The following BANP variants were observed in gnomAD, a reference collection of about 807,000 sequenced individuals.
BANP encodes protein BANP.
BANP carries 11 observed loss-of-function variants against 68.1 expected under a neutral mutation model. That is an observed-to-expected ratio of 0.16 (90% CI 0.10 to 0.27). The LOEUF is 0.27. Ranked by LOEUF, BANP falls within the 10% of genes least tolerant of loss-of-function variation. BANP has a pLI of 1.00. For missense variants in BANP, 504 were observed against 722.7 expected, an observed-to-expected ratio of 0.70 and a Z score of 3.47; for synonymous variants, 329 against 303.2, an observed-to-expected ratio of 1.09 and a Z score of -0.88.
intron 1 of BANP, among the ~76,000 whole-genome samples, chr16:87,955,516 C>T (rs1045561417): frequency 1.3e-5 from 2 of 152,192 alleles, no homozygotes; most frequent in African/African-American, 4.8e-5. Flanking sequence ...AGCATTATTG[C>T]GTAAATGACA....
At chr16:88,031,075 A>G (rs1249936422) in intron 8 of BANP, among the ~76,000 whole-genome samples, 2 of 152,226 alleles carry the variant, frequency 1.3e-5, no homozygotes, top group East Asian at 3.9e-4. Context: ...CCTGGGGTGC[A>G]CAAGGCTTGC....
intron 12 of BANP, 39 bp from the exon 13 acceptor site, chr16:88,072,030 G>A (rs1465496694): frequency 6.5e-7 from 1 of 1,543,632 alleles, no homozygotes; most frequent in Admixed American, 2.0e-5. Flanking sequence ...GTGGGTTGTG[G>A]GCCACGCCGC....
Position 88,004,178 on chromosome 16 carries a change from C to T in BANP, c.363-117C>T, listed in dbSNP as rs2070275197. ...GGACTATGTTGAATGACTCTTAGGC[C>T]TCCCCCTCAGTGCGGGTCCCTGGGA... On this transcript the variant is annotated intron_variant, in intron 4 of 13. Coordinates refer to ENST00000682872, the MANE Select transcript of BANP (RefSeq NM_001386991.1). This position sits in a 1 kb window ranked among gnomAD's most constrained non-coding sequence, Gnocchi z 7.0. 1.4e-6 allele frequency: 1 copy of T among 713,002 alleles called. No homozygotes were observed. The highest frequency in any genetic ancestry group is 2.7e-5 in the East Asian group (1 of 36,734). 44.2% of individuals were successfully genotyped at this position (713,002 alleles called of 1,614,324 possible). A position where few individuals can be genotyped will look rare whatever the true frequency, so the allele number is the denominator to read the frequency against.
chr16:88,049,071 A>G (rs989361637), intron 11 of BANP, among the ~76,000 whole-genome samples: 12 of 152,080 alleles, frequency 7.9e-5, no homozygotes, highest in African/African-American at 2.7e-4. Flanking sequence ...TTCTGGACAC[A>G]GCAAGCAGTG....
At chr16:87,949,764 A>G (rs2056627822), upstream of BANP, 1 of 152,126 alleles carries the variant, frequency 6.6e-6, no homozygotes, top group Non-Finnish European at 1.5e-5. Context: ...TTAACTCGGT[A>G]AGGTTGCCCA....
At chr16:88,076,483 G>A in intron 13 of BANP, 107 bp from the exon 14 acceptor site, 1 of 951,522 alleles carries the variant, frequency 1.1e-6, no homozygotes, top group Non-Finnish European at 1.6e-6. Flanking sequence ...GCGCTCCTGT[G>A]TGCGTGTTTC....
chr16:87,959,629 G>A (rs1002194326), intron 1 of BANP, among the ~76,000 whole-genome samples: 1 of 152,248 alleles, frequency 6.6e-6, no homozygotes, highest in African/African-American at 2.4e-5. Flanking sequence ...TGCAGCCCGT[G>A]TGGTTTTGGG....
intron 1 of BANP, among the ~76,000 whole-genome samples, chr16:87,965,130 G>C (rs922556389): frequency 1.3e-5 from 2 of 152,216 alleles, no homozygotes; most frequent in Non-Finnish European, 2.9e-5. Context: ...CCTCAAGTCA[G>C]GAAGTGGATG....
Position 88,033,259 on chromosome 16 carries a change from C to G in BANP, c.1200+14C>G. Reference sequence around the variant, plus strand: ...CAGGTGCAAGTAGTACGTACCCTCTCCACCTCACACCTTGGGAAAGGGGGC... The same window carrying G: ...CAGGTGCAAGTAGTACGTACCCTCTGCACCTCACACCTTGGGAAAGGGGGC... On this transcript the variant is annotated intron_variant, in intron 9 of 13. Coordinates refer to ENST00000682872, the MANE Select transcript of BANP (RefSeq NM_001386991.1). 2 of 1,547,262 alleles carry G rather than the reference C, an allele frequency of 1.3e-6. No individual in the cohort carries two copies. The highest frequency in any genetic ancestry group is 1.8e-6 in the Non-Finnish European group (2 of 1,137,698).
At chr16:88,055,011 C>G (rs2084630697) in intron 11 of BANP, among the ~76,000 whole-genome samples, 1 of 152,122 alleles carries the variant, frequency 6.6e-6, no homozygotes, top group African/African-American at 2.4e-5. Context: ...ACATGGGAAG[C>G]TTTTCAAGGC....
intron 11 of BANP, among the ~76,000 whole-genome samples, chr16:88,050,611 C>G (rs1407249563): frequency 6.6e-6 from 1 of 152,170 alleles, no homozygotes; most frequent in Admixed American, 6.5e-5. Context: ...CACGAGTGAG[C>G]CTGATTGTGT....
At chr16:88,042,932 T>C (rs1183617910) in intron 11 of BANP, among the ~76,000 whole-genome samples, 1 of 152,218 alleles carries the variant, frequency 6.6e-6, no homozygotes, top group Non-Finnish European at 1.5e-5. Flanking sequence ...AAATGAAGTG[T>C]ACAATTCAAT....
In BANP at chr16:88,057,759, G is replaced by C. The variant is rs866646678; in HGVS notation, c.1312-7508G>C. Among the ~76,000 whole-genome samples, 11 of 147,558 alleles carry C rather than the reference G, an allele frequency of 7.5e-5. No individual in the cohort carries two copies. The highest frequency in any genetic ancestry group is 4.4e-4 in the South Asian group (2 of 4,524). On this transcript the variant is annotated intron_variant, in intron 11 of 13. Transcript: ENST00000682872. This position sits in a 1 kb window ranked among gnomAD's most constrained non-coding sequence, Gnocchi z 4.6. The stretch of plus-strand genomic sequence containing the variant: ...GCGGGGCCATCTGGGTGGGGCGGGG[G>C]GGGGGGTGCGTGCAGTGACTCGCGC...
At chr16:87,998,860 C>G (rs1208082631) in intron 4 of BANP, among the ~76,000 whole-genome samples, 2 of 141,394 alleles carry the variant, frequency 1.4e-5, no homozygotes, top group African/African-American at 5.3e-5. Flanking sequence ...ACCTGTCCTT[C>G]CAGACACGTC....
chr16:88,066,379 C>T (rs1164478784), intron 12 of BANP, among the ~76,000 whole-genome samples: 1 of 152,230 alleles, frequency 6.6e-6, no homozygotes, highest in East Asian at 1.9e-4. Context: ...TGTCGTTTCT[C>T]TCTGTGGCGC....
intron 11 of BANP, among the ~76,000 whole-genome samples, chr16:88,039,966 T>C (rs2080338977): frequency 6.6e-6 from 1 of 152,256 alleles, no homozygotes; most frequent in Non-Finnish European, 1.5e-5. Flanking sequence ...CCACTTTTTA[T>C]GTGAAACAAA....
At chr16:87,979,551 G>A (rs1449159200) in intron 2 of BANP, among the ~76,000 whole-genome samples, 1 of 152,116 alleles carries the variant, frequency 6.6e-6, no homozygotes, top group Non-Finnish European at 1.5e-5. Context: ...GAAGGGCTGG[G>A]GCACAGCACC....
chr16:87,953,266 C>T (rs185422020), intron 1 of BANP, among the ~76,000 whole-genome samples: 2 of 152,236 alleles, frequency 1.3e-5, no homozygotes, highest in East Asian at 1.9e-4. Flanking sequence ...GAAAGACTTA[C>T]AATGAAAAGC....
chr16:88,050,872 A>G (rs1449918101), intron 11 of BANP, among the ~76,000 whole-genome samples: 1 of 151,900 alleles, frequency 6.6e-6, no homozygotes, highest in African/African-American at 2.4e-5. Flanking sequence ...ATTTTTATAG[A>G]GACGGGGTTT....
Sources: gnomAD v4.1 joint callset for allele counts (sites outside exome capture counted in the v4.1 genomes callset) on GRCh38, gnomAD v4.1.1 for gene constraint, Gnocchi (gnomAD v3.1) non-coding constraint, MANE v1.5 for transcripts, NCBI Gene and HGNC (gene_info 2026-07-23, HGNC 2026-07-21) for gene names.